ART3: variants seen among roughly 807,000 people sequenced by gnomAD.
The protein encoded by ART3 is ADP-ribosyltransferase 3 (inactive).
A neutral mutation model predicts 48.5 loss-of-function variants in ART3; 49 were observed. That is an observed-to-expected ratio of 1.01 (90% CI 0.80 to 1.28). The LOEUF is 1.28. Ranked by LOEUF, ART3 falls within the 50% of genes most tolerant of loss-of-function variation. The pLI is 0.00. For missense variants in ART3, 438 were observed against 454.3 expected, an observed-to-expected ratio of 0.96 and a Z score of 0.33; for synonymous variants, 145 against 157.2, an observed-to-expected ratio of 0.92 and a Z score of 0.58.
intron 1 of ART3, among the ~76,000 whole-genome samples, chr4:76,026,339 G>A (rs2149384901): frequency 6.6e-6 from 1 of 152,104 alleles, no homozygotes; most frequent in Admixed American, 6.5e-5. Flanking sequence ...ATGCTAAAAT[G>A]TATGCCCCAG....
At chr4:76,078,706 T>C (rs1721694851) in intron 2 of ART3, among the ~76,000 whole-genome samples, 1 of 152,224 alleles carries the variant, frequency 6.6e-6, no homozygotes, top group Non-Finnish European at 1.5e-5. Context: ...TTACACTCTT[T>C]TTCAAGTGCT....
chr4:76,094,943 G>C (rs542230500), intron 3 of ART3, among the ~76,000 whole-genome samples: 1 of 152,246 alleles, frequency 6.6e-6, no homozygotes, highest in East Asian at 1.9e-4. Flanking sequence ...ATTTGCCTTT[G>C]TATTTCAAAT....
At chr4:76,038,830 C>G (rs1030797353) in intron 1 of ART3, among the ~76,000 whole-genome samples, 2 of 151,498 alleles carry the variant, frequency 1.3e-5, no homozygotes, top group African/African-American at 4.9e-5. Context: ...TCAAGTGATT[C>G]GCCTGCCTCA....
At chr4:76,014,917 G>GA (rs969998251) in intron 1 of ART3, among the ~76,000 whole-genome samples, 3 of 151,832 alleles carry the variant, frequency 2.0e-5, no homozygotes, top group Non-Finnish European at 4.4e-5. Context: ...AGTGCTGAAA[G>GA]AAAAAAAATC....
rs1560630428 is a variant in ART3, at chr4:76,085,652, G to GACA, written c.781+3118_781+3119insCAA. On this transcript the variant is annotated intron_variant, in intron 3 of 11. Coordinates refer to ENST00000355810, the MANE Select transcript of ART3 (RefSeq NM_001130016.3). ...AGATAGGGGAAAAAAGACAAAAGACGAGATGAGAAATGCTGGCTAGGGTTT... is the reference window on the plus strand; with the variant it reads ...AGATAGGGGAAAAAAGACAAAAGACGACAAGATGAGAAATGCTGGCTAGGGTTT... Among the ~76,000 whole-genome samples the GACA allele has an allele frequency of 8.5e-5, 13 of 152,114 alleles. No homozygotes were observed. In the South Asian group the frequency reaches 2.1e-3, roughly 24 times the overall value.
At chr4:76,082,727 TA>T (rs112194262) in intron 3 of ART3, among the ~76,000 whole-genome samples, 192 bp downstream of exon 3, 1 of 152,006 alleles carries the variant, frequency 6.6e-6, no homozygotes. Flanking sequence ...TATTAAAAGT[TA>T]AAAAAAATTA....
chr4:76,091,557 G>T (rs1724894213), intron 3 of ART3, among the ~76,000 whole-genome samples: 1 of 151,960 alleles, frequency 6.6e-6, no homozygotes, highest in South Asian at 2.1e-4. Context: ...CCTGCTCAAA[G>T]ATTTTTGTCC....
intron 9 of ART3, chr4:76,104,287 C>G (rs1727987071): frequency 1.1e-6 from 1 of 920,790 alleles, no homozygotes; most frequent in Non-Finnish European, 1.3e-6. Context: ...TCAATAGAAA[C>G]CTACCTTTAC....
intron 10 of ART3, chr4:76,105,485 G>A: frequency 7.8e-7 from 1 of 1,285,226 alleles, no homozygotes; most frequent in Non-Finnish European, 1.0e-6. Flanking sequence ...AATGGTAGCT[G>A]CCTTTGTTAT....
chr4:76,084,723 T>C (rs1723186460), intron 3 of ART3, among the ~76,000 whole-genome samples: 1 of 152,190 alleles, frequency 6.6e-6, no homozygotes, highest in South Asian at 2.1e-4. Context: ...AAAGGTGGAA[T>C]GACAGCTGTG....
Position 76,098,948 on chromosome 4 carries a change from A to T in ART3, c.815-7A>T. The T allele has an allele frequency of 6.2e-7, 1 of 1,602,184 alleles. No individual in the cohort carries two copies. Among genetic ancestry groups the T allele is most frequent in the Non-Finnish European group, 8.6e-7 (1 of 1,169,254 alleles). The stretch of plus-strand genomic sequence containing the variant: ...TACCATGTAATGAAAACATGTCTGT[A>T]TTTCAGAATATTTTCAACCCATCTA... On this transcript the variant is annotated splice_polypyrimidine_tract_variant and splice_region_variant and intron_variant, in intron 4 of 11. Transcript: ENST00000355810.
At chr4:76,086,689 T>C (rs1166638680) in intron 3 of ART3, among the ~76,000 whole-genome samples, 1 of 152,256 alleles carries the variant, frequency 6.6e-6, no homozygotes, top group East Asian at 1.9e-4. Flanking sequence ...ATGTATTTCA[T>C]GGTTTCATGT....
chr4:76,111,902 A>T (rs1331420316), intron 11 of ART3: 1 of 152,684 alleles, frequency 6.5e-6, no homozygotes, highest in Non-Finnish European at 1.5e-5. Flanking sequence ...TCTTTTTAAA[A>T]ATAGAGATGG....
At chr4:76,021,652 G>C (rs1411192616) in intron 1 of ART3, 7 of 394,900 alleles carry the variant, frequency 1.8e-5, no homozygotes, top group African/African-American at 1.4e-4. Context: ...ATTTGAAGCA[G>C]GGTCAGAACA....
At chr4:76,111,394 C>T (rs1729449001) in intron 11 of ART3, among the ~76,000 whole-genome samples, 1 of 152,182 alleles carries the variant, frequency 6.6e-6, no homozygotes, top group South Asian at 2.1e-4. Context: ...TCTGCAGCTG[C>T]AGTTGCCAGC....
At chr4:76,068,242 A>G (rs1719937123) in intron 1 of ART3, among the ~76,000 whole-genome samples, 1 of 152,206 alleles carries the variant, frequency 6.6e-6, no homozygotes, top group Non-Finnish European at 1.5e-5. Context: ...GTATATCATC[A>G]TGTAACATCT....
At chr4:76,079,375 T>G (rs1404626297) in intron 2 of ART3, among the ~76,000 whole-genome samples, 1 of 152,138 alleles carries the variant, frequency 6.6e-6, no homozygotes, top group African/African-American at 2.4e-5. Context: ...AAGAACCAGG[T>G]CGTTGTGGCT....
chr4:76,034,761 T>C (rs6532111), intron 1 of ART3: 799,298 of 1,456,350 alleles, frequency 0.55, 227,375 homozygotes, highest in East Asian at 0.94. Context: ...TTTCAGATGC[T>C]CTTTTCCAGG....
chr4:76,026,802 A>G (rs1733431341), intron 1 of ART3, among the ~76,000 whole-genome samples: 1 of 152,238 alleles, frequency 6.6e-6, no homozygotes, highest in Non-Finnish European at 1.5e-5. Context: ...GAAGGAGGAG[A>G]AGTAGGCTTG....
Sources: gnomAD v4.1 joint callset for allele counts (sites outside exome capture counted in the v4.1 genomes callset) on GRCh38, gnomAD v4.1.1 for gene constraint, MANE v1.5 for transcripts, NCBI Gene and HGNC (gene_info 2026-07-23, HGNC 2026-07-21) for gene names.